Variants in GPR39 observed in about 807,000 individuals in gnomAD.
GPR39 encodes the protein G protein-coupled receptor 39, also known as zinc sensing receptor.
Under a neutral mutation model 18.4 loss-of-function variants are expected in GPR39, and 23 were observed. The observed-to-expected ratio is 1.25, with a 90% confidence interval of 0.90 to 1.77. The LOEUF (loss-of-function observed/expected upper bound fraction) is 1.77. GPR39 is among the 40% of genes most tolerant of loss of function. GPR39 has a pLI of 0.00. For missense variants in GPR39, 647 were observed against 602.4 expected, an observed-to-expected ratio of 1.07 and a Z score of -0.78; for synonymous variants, 280 against 257.9, an observed-to-expected ratio of 1.09 and a Z score of -0.82.
In GPR39 at chr2:132,471,777, G is replaced by A. The variant is rs751174936; in HGVS notation, c.856+53879G>A. On this transcript the variant is annotated intron_variant, in intron 1 of 1. Coordinates refer to ENST00000329321, the MANE Select transcript of GPR39 (RefSeq NM_001508.3). ...AAAGATTAGTTAGCCCCAGGTCATT[G>A]TCGTACTTCCTTTGCAATAAAATGG... Among the ~76,000 whole-genome samples the A allele has an allele frequency of 7.9e-4, 120 of 151,454 alleles. 1 individual carries two copies. The highest frequency in any genetic ancestry group is 3.8e-4 in the Non-Finnish European group (26 of 67,956).
chr2:132,460,974 G>A (rs1185084511), intron 1 of GPR39, among the ~76,000 whole-genome samples: 1 of 152,116 alleles, frequency 6.6e-6, no homozygotes, highest in Non-Finnish European at 1.5e-5. Flanking sequence ...ACTTGGCAAG[G>A]GAGTGGACTG....
At chr2:132,611,604 T>G (rs1032948501) in intron 1 of GPR39, among the ~76,000 whole-genome samples, 1 of 149,552 alleles carries the variant, frequency 6.7e-6, no homozygotes, top group African/African-American at 2.5e-5. Flanking sequence ...AAAGGATGCT[T>G]GAAGACCTGG....
intron 1 of GPR39, among the ~76,000 whole-genome samples, chr2:132,537,200 C>G (rs1679773745): frequency 6.6e-6 from 1 of 152,182 alleles, no homozygotes; most frequent in Non-Finnish European, 1.5e-5. Flanking sequence ...TTTGCAGTGG[C>G]TGGTACTGGT....
At chr2:132,424,386 A>C (rs918238830) in intron 1 of GPR39, among the ~76,000 whole-genome samples, 1 of 152,212 alleles carries the variant, frequency 6.6e-6, no homozygotes, top group East Asian at 1.9e-4. Flanking sequence ...ACTTGCAGCC[A>C]TCTCTCTCAA....
intron 1 of GPR39, among the ~76,000 whole-genome samples, chr2:132,592,964 G>C (rs1202570489): frequency 2.6e-5 from 4 of 152,138 alleles, no homozygotes; most frequent in Non-Finnish European, 5.9e-5. Flanking sequence ...ACACATTTAG[G>C]TTTGATGACC....
At chr2:132,423,250 A>T (rs1680048659) in intron 1 of GPR39, among the ~76,000 whole-genome samples, 1 of 150,440 alleles carries the variant, frequency 6.6e-6, no homozygotes, top group African/African-American at 2.5e-5. Flanking sequence ...CTTGTAGATG[A>T]ATAGCTGTCT....
chr2:132,418,674 C>G (rs918737162), intron 1 of GPR39: 1 of 152,150 alleles, frequency 6.6e-6, no homozygotes, highest in East Asian at 1.9e-4. Flanking sequence ...AAGTTGAGGC[C>G]TCGTCTATTT....
intron 1 of GPR39, among the ~76,000 whole-genome samples, chr2:132,627,089 T>A (rs910677261): frequency 8.9e-6 from 1 of 112,764 alleles, no homozygotes; most frequent in Non-Finnish European, 2.2e-5. Context: ...AGCAGAATAT[T>A]TTTTTTTTTC....
chr2:132,469,090 A>G (rs1680983220), intron 1 of GPR39, among the ~76,000 whole-genome samples: 1 of 152,186 alleles, frequency 6.6e-6, no homozygotes, highest in Non-Finnish European at 1.5e-5. Flanking sequence ...CATGTCTCTG[A>G]GACTGTAGGT....
chr2:132,534,722 A>G (rs1178656613), intron 1 of GPR39, among the ~76,000 whole-genome samples: 1 of 152,090 alleles, frequency 6.6e-6, no homozygotes, highest in African/African-American at 2.4e-5. Context: ...CATCATTCTC[A>G]GCAAACTATC....
At chr2:132,597,190 C>A (rs546082884) in intron 1 of GPR39, among the ~76,000 whole-genome samples, 1 of 152,248 alleles carries the variant, frequency 6.6e-6, no homozygotes, top group East Asian at 1.9e-4. Context: ...TCTAGACACC[C>A]AAGTGGAAAG....
chr2:132,587,899 G>A (rs543289832), intron 1 of GPR39, among the ~76,000 whole-genome samples: 5 of 152,290 alleles, frequency 3.3e-5, no homozygotes, highest in East Asian at 3.9e-4. Context: ...TTCTGGTGAT[G>A]GAACAGAGAG....
chr2:132,448,912 C>G (rs748057280), intron 1 of GPR39, among the ~76,000 whole-genome samples: 2 of 152,172 alleles, frequency 1.3e-5, no homozygotes, highest in African/African-American at 2.4e-5. Flanking sequence ...TGGTACCTTT[C>G]TGAGTAAAAT....
Position 132,646,421 on chromosome 2 carries a change from G to T in GPR39, c.*815G>T. 1 of 447,442 alleles carries T rather than the reference G, an allele frequency of 2.2e-6. No individual in the cohort carries two copies. Among genetic ancestry groups the T allele is most frequent in the Non-Finnish European group, 3.9e-6 (1 of 256,868 alleles). The allele number at this position is 447,442 out of a possible 1,614,324, so 27.7% of individuals were successfully genotyped here. On this transcript the variant is annotated 3_prime_UTR_variant, in exon 2 of 2. Transcript: ENST00000329321. ...TAGGTGAGGTCAGGGAAGTGCTTCG[G>T]ATTGTCTCATTGATATTCAAGATAG... is the stretch of plus-strand genomic sequence containing the variant.
chr2:132,566,860 C>G (rs1049906275), intron 1 of GPR39, among the ~76,000 whole-genome samples: 4 of 152,218 alleles, frequency 2.6e-5, no homozygotes, highest in Non-Finnish European at 4.4e-5. Context: ...GAACATTTTT[C>G]TGTTCTGTGT....
At chr2:132,476,718 G>T (rs1026789348) in intron 1 of GPR39, among the ~76,000 whole-genome samples, 6 of 151,644 alleles carry the variant, frequency 4.0e-5, no homozygotes, top group Non-Finnish European at 8.8e-5. Flanking sequence ...GGAAAAGGAA[G>T]TGAGGTAGGG....
At chr2:132,575,689 C>T (rs1680518081) in intron 1 of GPR39, among the ~76,000 whole-genome samples, 2 of 152,212 alleles carry the variant, frequency 1.3e-5, no homozygotes, top group Non-Finnish European at 2.9e-5. Context: ...ATTTGCACTT[C>T]CCTAAGGGCT....
intron 1 of GPR39, among the ~76,000 whole-genome samples, chr2:132,471,669 T>C (rs73957909): frequency 4.7e-5 from 7 of 150,166 alleles, no homozygotes; most frequent in African/African-American, 1.5e-4. Flanking sequence ...TTTTTTTTTT[T>C]CTTCCCCATA....
intron 1 of GPR39, among the ~76,000 whole-genome samples, chr2:132,494,744 T>A (rs1032432598): frequency 1.1e-4 from 17 of 152,316 alleles, no homozygotes; most frequent in African/African-American, 4.1e-4. Context: ...CTTTGAGCTT[T>A]TTTTATCCTC....
Sources: gnomAD v4.1 joint callset for allele counts (sites outside exome capture counted in the v4.1 genomes callset) on GRCh38, gnomAD v4.1.1 for gene constraint, MANE v1.5 for transcripts, NCBI Gene and HGNC (gene_info 2026-07-23, HGNC 2026-07-21) for gene names.